SGK3: variants seen among roughly 807,000 people sequenced by gnomAD.
The protein encoded by SGK3 is serine/threonine-protein kinase Sgk3.
Under a neutral mutation model 68.5 loss-of-function variants are expected in SGK3, and 47 were observed. That is an observed-to-expected ratio of 0.69 (90% CI 0.54 to 0.87). SGK3 has a LOEUF of 0.87. SGK3 is among the 40% of genes least tolerant of loss of function. The probability of loss-of-function intolerance (pLI) is 0.00; values close to 1 mark genes in which losing one functional copy is unlikely to be tolerated. For missense variants in SGK3, 479 were observed against 575.5 expected (o/e 0.83, Z 1.72); for synonymous variants, 181 against 189.1 (o/e 0.96, Z 0.35).
chr8:66,787,035 C>G (rs996297286), intron 1 of SGK3, among the ~76,000 whole-genome samples: 2 of 149,288 alleles, frequency 1.3e-5, no homozygotes, highest in Non-Finnish European at 3.0e-5. Flanking sequence ...CCTCTTGTGT[C>G]CCAGTTCAAG....
chr8:66,860,660 C>T lies in SGK3; in HGVS notation c.*1079C>T, dbSNP rs1810715961. The T allele has an allele frequency of 6.6e-6, 1 of 152,098 alleles. No individual in the cohort carries two copies. The highest frequency in any genetic ancestry group is 1.5e-5 in the Non-Finnish European group (1 of 68,028). 9.4% of individuals were successfully genotyped at this position (152,098 alleles called of 1,614,324 possible). On this transcript the variant is annotated 3_prime_UTR_variant, in exon 17 of 17. Transcript: ENST00000521198. ...GAATGTCTGTCATATATTTATATTA[C>T]AAATACATTATATTTATGTTCTATT...
At chr8:66,824,482 T>C (rs1808974369) in intron 6 of SGK3, among the ~76,000 whole-genome samples, 2 of 152,056 alleles carry the variant, frequency 1.3e-5, no homozygotes, top group Admixed American at 1.3e-4. Flanking sequence ...TACAGTAAAA[T>C]ATTGCAGAAC....
At chr8:66,854,786 T>A (rs1237887408) in intron 16 of SGK3, among the ~76,000 whole-genome samples, 1 of 152,174 alleles carries the variant, frequency 6.6e-6, no homozygotes, top group Non-Finnish European at 1.5e-5. Flanking sequence ...GCGTGCCCAC[T>A]GTGTACCCAG....
chr8:66,716,710 T>C (rs1194700929), intron 1 of SGK3, among the ~76,000 whole-genome samples: 1 of 152,150 alleles, frequency 6.6e-6, no homozygotes, highest in Non-Finnish European at 1.5e-5. Flanking sequence ...TCCTGTGCAG[T>C]GCAGCTGTGC....
intron 5 of SGK3, among the ~76,000 whole-genome samples, chr8:66,819,241 T>A (rs1808714361): frequency 6.6e-6 from 1 of 152,230 alleles, no homozygotes; most frequent in Non-Finnish European, 1.5e-5. Flanking sequence ...TAACCAAGCC[T>A]GAGAGTCTTC....
intron 1 of SGK3, among the ~76,000 whole-genome samples, chr8:66,748,016 A>G (rs975108312): frequency 1.3e-5 from 2 of 152,136 alleles, no homozygotes; most frequent in African/African-American, 4.8e-5. Flanking sequence ...CACTTTCCAC[A>G]TCTGTCCAAT....
intron 4 of SGK3, among the ~76,000 whole-genome samples, chr8:66,812,093 T>C (rs555629131): frequency 1.6e-3 from 251 of 152,312 alleles, no homozygotes; most frequent in African/African-American, 5.9e-3. Context: ...AACCTGGAAA[T>C]AACCCATAAT....
Position 66,839,547 on chromosome 8 carries a change from ATATATATATATT to A in SGK3, c.742-454_742-443del, listed in dbSNP as rs1199241165. ...TATATATATATATATATATATATAT[ATATATATATATT>A]TTCATATGGGTTATATTTGTTCTGC... On this transcript the variant is annotated intron_variant, in intron 10 of 16. Coordinates refer to ENST00000521198, the MANE Select transcript of SGK3 (RefSeq NM_001033578.3). Among the ~76,000 whole-genome samples, 41 of 76,896 alleles carry A rather than the reference ATATATATATATT, an allele frequency of 5.3e-4. 2 individuals are homozygous for A. The highest frequency in any genetic ancestry group is 1.4e-3 in the African/African-American group (24 of 16,654). 50.4% of individuals were successfully genotyped at this position (76,896 alleles called of 152,430 possible).
chr8:66,789,222 G>A (rs1585718346), intron 1 of SGK3, among the ~76,000 whole-genome samples: 2 of 152,040 alleles, frequency 1.3e-5, no homozygotes, highest in Admixed American at 1.3e-4. Flanking sequence ...CATGTTCCAA[G>A]TTCTTTCCAG....
intron 2 of SGK3, among the ~76,000 whole-genome samples, chr8:66,796,321 A>ATTTTTTTT (rs71249408): frequency 2.2e-4 from 9 of 41,360 alleles, no homozygotes; most frequent in East Asian, 1.1e-3. Flanking sequence ...TATTTTTTGT[A>ATTTTTTTT]TTTTTTTTTT....
At chr8:66,721,339 C>G (rs1157743941) in intron 1 of SGK3, among the ~76,000 whole-genome samples, 1 of 152,238 alleles carries the variant, frequency 6.6e-6, no homozygotes, top group East Asian at 1.9e-4. Context: ...AGAGTTTGCT[C>G]TCCTTTATAA....
chr8:66,727,558 G>T (rs1805020520), intron 1 of SGK3, among the ~76,000 whole-genome samples: 1 of 152,146 alleles, frequency 6.6e-6, no homozygotes, highest in African/African-American at 2.4e-5. Flanking sequence ...GGGCCTTTTG[G>T]GAGGTGTTTA....
chr8:66,819,219 A>G (rs1339531627), intron 5 of SGK3, among the ~76,000 whole-genome samples: 1 of 152,242 alleles, frequency 6.6e-6, no homozygotes, highest in African/African-American at 2.4e-5. Context: ...TATAAAATGT[A>G]ACATTTAATG....
intron 1 of SGK3, among the ~76,000 whole-genome samples, chr8:66,780,246 C>T (rs1253517267): frequency 6.6e-6 from 1 of 152,110 alleles, no homozygotes. Flanking sequence ...GGTCACTGAA[C>T]ATCTCACTAG....
At chr8:66,716,006 T>C (rs752367797) in intron 1 of SGK3, among the ~76,000 whole-genome samples, 1 of 152,228 alleles carries the variant, frequency 6.6e-6, no homozygotes, top group Non-Finnish European at 1.5e-5. Context: ...CTTTTCCAGT[T>C]CTCATGTTTT....
intron 1 of SGK3, among the ~76,000 whole-genome samples, chr8:66,757,973 T>C (rs1390974031): frequency 6.8e-6 from 1 of 146,886 alleles, no homozygotes; most frequent in East Asian, 2.0e-4. Context: ...ACTATATATA[T>C]ACACACACAC....
At chr8:66,783,289 T>C (rs1271166299) in intron 1 of SGK3, among the ~76,000 whole-genome samples, 2 of 152,260 alleles carry the variant, frequency 1.3e-5, no homozygotes, top group African/African-American at 4.8e-5. Flanking sequence ...TTAAGGTATT[T>C]GGTTCATGTT....
chr8:66,777,244 C>G (rs1249030161), intron 1 of SGK3, among the ~76,000 whole-genome samples: 1 of 152,202 alleles, frequency 6.6e-6, no homozygotes, highest in Non-Finnish European at 1.5e-5. Context: ...TACAACACCA[C>G]ACTTATATAT....
At chr8:66,776,950 C>A (rs1289750268) in intron 1 of SGK3, among the ~76,000 whole-genome samples, 1 of 152,184 alleles carries the variant, frequency 6.6e-6, no homozygotes, top group Non-Finnish European at 1.5e-5. Context: ...CCAGTATAAA[C>A]AAATTGACCT....
Sources: allele counts gnomAD v4.1 joint callset (sites outside exome capture counted in the v4.1 genomes callset), GRCh38; gene constraint gnomAD v4.1.1; transcripts MANE v1.5; gene names NCBI Gene and HGNC (gene_info 2026-07-23, HGNC 2026-07-21).